Variants in VPS35L observed in about 807,000 individuals in gnomAD.
The protein encoded by VPS35L is VPS35 endosomal protein-sorting factor-like.
In VPS35L, 83 loss-of-function variants were observed where a neutral mutation model predicts 133.0. The ratio of observed to expected loss-of-function variants is 0.62; its 90% CI spans 0.52 to 0.75. The LOEUF (loss-of-function observed/expected upper bound fraction) is 0.75. VPS35L is among the 30% of genes least tolerant of loss of function. The pLI, the probability that VPS35L is intolerant of heterozygous loss-of-function variation, is 0.00. For missense variants in VPS35L, 1,083 were observed against 1,206.8 expected, an observed-to-expected ratio of 0.90 and a Z score of 1.52; for synonymous variants, 423 against 449.9, an observed-to-expected ratio of 0.94 and a Z score of 0.76.
At chr16:19,666,928 C>CTTTCTTTCTT (rs1377058679) in intron 26 of VPS35L, among the ~76,000 whole-genome samples, 4 of 85,946 alleles carry the variant, frequency 4.7e-5, no homozygotes, top group African/African-American at 1.8e-4. Context: ...TTCTTTCTTT[C>CTTTCTTTCTT]TTTCTTCCTT....
At chr16:19,590,938 G>C (rs893011349) in intron 7 of VPS35L, among the ~76,000 whole-genome samples, 11 of 152,138 alleles carry the variant, frequency 7.2e-5, no homozygotes, top group Non-Finnish European at 1.5e-4. Flanking sequence ...CCGAGCGACA[G>C]AGCAAGACCT....
intron 26 of VPS35L, among the ~76,000 whole-genome samples, chr16:19,656,278 A>AG (rs59325880): frequency 0.071 from 10,176 of 143,726 alleles, 1,431 homozygotes; most frequent in African/African-American, 0.27. Context: ...AAAAAAAAAA[A>AG]AAAGAAAGAA....
At chr16:19,604,480 G>A (rs1272071042) in intron 9 of VPS35L, among the ~76,000 whole-genome samples, 1 of 152,138 alleles carries the variant, frequency 6.6e-6, no homozygotes, top group African/African-American at 2.4e-5. Context: ...CTTGAGCAAA[G>A]CAAATGATTT....
At chr16:19,593,555 A>G (rs1468148331) in intron 8 of VPS35L, among the ~76,000 whole-genome samples, 1 of 152,328 alleles carries the variant, frequency 6.6e-6, no homozygotes, top group East Asian at 1.9e-4. Context: ...GCTTATGCTG[A>G]AAAGTCCAGG....
At chr16:19,676,498 G>A (rs1262500857) in intron 27 of VPS35L, among the ~76,000 whole-genome samples, 1 of 152,222 alleles carries the variant, frequency 6.6e-6, no homozygotes, top group Non-Finnish European at 1.5e-5. Context: ...CTCATTTCAT[G>A]TAACAATGTG....
chr16:19,613,279 G>C (rs1972783868), intron 12 of VPS35L, among the ~76,000 whole-genome samples: 1 of 152,204 alleles, frequency 6.6e-6, no homozygotes. Flanking sequence ...CTCCAGCCTG[G>C]GTGACAGAGC....
chr16:19,617,174 A>G, intron 14 of VPS35L: 1 of 542,370 alleles, frequency 1.8e-6, no homozygotes, highest in Non-Finnish European at 3.3e-6. Context: ...TTGGCAACAT[A>G]GCAAAACTCC....
chr16:19,696,937 A>G (rs1346245484), intron 29 of VPS35L, among the ~76,000 whole-genome samples: 1 of 152,210 alleles, frequency 6.6e-6, no homozygotes, highest in Non-Finnish European at 1.5e-5. Context: ...ATTCAGGCAG[A>G]AAGTGGGGCT....
At position 19,557,976 on chromosome 16, in the gene VPS35L, GGGAGAATCACTTGATCCCA is replaced by G. The variant is rs763993458; in HGVS notation, c.17+2235_17+2253del. 1.5e-3 allele frequency among the ~76,000 whole-genome samples: 221 copies of G among 152,042 alleles called. 3 individuals are homozygous for G. The highest frequency in any genetic ancestry group is 1.8e-3 in the Non-Finnish European group (124 of 67,970). On this transcript the variant is annotated intron_variant, in intron 1 of 30. Transcript: ENST00000417362. ...TGAAGTGGGAGAATCGCTTGATCCC[GGGAGAATCACTTGATCCCA>G]GGAGGCGGAGGTTGCAGTGAGCCAA...
intron 23 of VPS35L, among the ~76,000 whole-genome samples, chr16:19,646,109 G>A (rs1252060478): frequency 6.6e-6 from 1 of 152,086 alleles, no homozygotes. Context: ...CAAACTCTGC[G>A]GATCAGCTTG....
chr16:19,628,289 C>T (rs185991012), intron 16 of VPS35L, among the ~76,000 whole-genome samples: 4 of 152,128 alleles, frequency 2.6e-5, no homozygotes, highest in Admixed American at 6.6e-5. Flanking sequence ...GCTTGGAGCC[C>T]AGGAGGTCAA....
chr16:19,647,930 A>G (rs1253967693), intron 24 of VPS35L, 48 bp downstream of exon 24: 31 of 1,406,276 alleles, frequency 2.2e-5, no homozygotes, highest in Non-Finnish European at 3.0e-5. Context: ...ATATTTATTG[A>G]TCATCTACAT....
chr16:19,650,515 T>C (rs943909499), intron 25 of VPS35L, 56 bp downstream of exon 25: 40 of 1,341,700 alleles, frequency 3.0e-5, no homozygotes, highest in Admixed American at 8.5e-5. Context: ...CTGTTTAGTT[T>C]GCAGGTTACT....
intron 14 of VPS35L, 111 bp from the exon 15 acceptor site, chr16:19,626,066 A>C: frequency 1.5e-6 from 1 of 677,836 alleles, no homozygotes; most frequent in South Asian, 2.1e-5. Context: ...AATTATCTTA[A>C]TGGACATGTG....
At chr16:19,599,343 T>C (rs1972311288) in intron 8 of VPS35L, among the ~76,000 whole-genome samples, 1 of 152,148 alleles carries the variant, frequency 6.6e-6, no homozygotes, top group Admixed American at 6.6e-5. Flanking sequence ...TGCAGCCCAG[T>C]TGGAGAAGCA....
At chr16:19,693,763 G>A (rs1183178950) in intron 29 of VPS35L, among the ~76,000 whole-genome samples, 1 of 150,906 alleles carries the variant, frequency 6.6e-6, no homozygotes, top group Non-Finnish European at 1.5e-5. Context: ...CAGCCTGGGC[G>A]ACAGAGTGAG....
rs74011449 is a variant in VPS35L at position 19,609,665 on chromosome 16, G to A, written c.929+644G>A. Among the ~76,000 whole-genome samples the A allele has an allele frequency of 7.9e-3, 1,200 of 152,224 alleles. 14 individuals are homozygous for A. Among genetic ancestry groups the A allele is most frequent in the African/African-American group, 0.027 (1,127 of 41,520 alleles). On this transcript the variant is annotated intron_variant, in intron 11 of 30. Transcript: ENST00000417362. ...TAGATAATAAATTCCTTGAAGCCCG[G>A]GAGTGACTGATTCATGGTGCTCCAC...
rs569815391 is a variant in VPS35L at position 19,609,272 on chromosome 16, C to G, written c.929+251C>G. Among the ~76,000 whole-genome samples the G allele has an allele frequency of 2.0e-5, 3 of 152,310 alleles. No homozygotes were observed. In the East Asian group the frequency reaches 5.8e-4, roughly 29 times the overall value. Reference sequence around the variant, plus strand: ...GGTTAAGGAGGTCATGGAAGATCAGCTCAACTGGATTTGAATCTTGGCTGT... The same window carrying G: ...GGTTAAGGAGGTCATGGAAGATCAGGTCAACTGGATTTGAATCTTGGCTGT... On this transcript the variant is annotated intron_variant, in intron 11 of 30. Coordinates refer to ENST00000417362, the MANE Select transcript of VPS35L (RefSeq NM_020314.7).
chr16:19,557,810 G>A (rs932409099), intron 1 of VPS35L, among the ~76,000 whole-genome samples: 2 of 152,032 alleles, frequency 1.3e-5, no homozygotes, highest in African/African-American at 4.8e-5. Context: ...CAGCACTTTG[G>A]GAGGCCGAGG....
Sources: allele counts gnomAD v4.1 joint callset (sites outside exome capture counted in the v4.1 genomes callset), GRCh38; gene constraint gnomAD v4.1.1; transcripts MANE v1.5; gene names NCBI Gene and HGNC (gene_info 2026-07-23, HGNC 2026-07-21).